KCNMB2: variants seen among roughly 807,000 people sequenced by gnomAD.
The protein encoded by KCNMB2 is potassium calcium-activated channel subfamily M regulatory beta subunit 2.
KCNMB2 carries 9 observed loss-of-function variants against 24.5 expected under a neutral mutation model. The observed-to-expected ratio is 0.37, with a 90% CI of 0.22 to 0.64. The LOEUF is 0.64. Ranked by LOEUF, KCNMB2 falls within the 30% of genes least tolerant of loss-of-function variation. KCNMB2 has a pLI of 0.63. For missense variants in KCNMB2, 226 were observed against 284.3 expected, an observed-to-expected ratio of 0.79 and a Z score of 1.47; for synonymous variants, 109 against 104.4, an observed-to-expected ratio of 1.04 and a Z score of -0.27.
chr3:178,609,701 A>G (rs1173892926), intron 1 of KCNMB2, among the ~76,000 whole-genome samples: 1 of 150,860 alleles, frequency 6.6e-6, no homozygotes, highest in Non-Finnish European at 1.5e-5. Context: ...CAGTGGTGCC[A>G]TCTTGGCTCA....
chr3:178,697,197 A>G (rs116688952), intron 1 of KCNMB2, among the ~76,000 whole-genome samples: 4,915 of 152,176 alleles, frequency 0.032, 210 homozygotes, highest in East Asian at 0.18. Context: ...AATATTTTCA[A>G]TGGGATGTTA....
At chr3:178,715,736 C>G (rs1722599315) in intron 1 of KCNMB2, among the ~76,000 whole-genome samples, 1 of 152,186 alleles carries the variant, frequency 6.6e-6, no homozygotes, top group Non-Finnish European at 1.5e-5. Context: ...TGGCATTTGT[C>G]AAGTACTCTG....
chr3:178,677,809 A>G (rs1721119698), intron 1 of KCNMB2, among the ~76,000 whole-genome samples: 1 of 152,216 alleles, frequency 6.6e-6, no homozygotes, highest in Non-Finnish European at 1.5e-5. Flanking sequence ...AGGAATTTAT[A>G]CTGAACAGGT....
chr3:178,583,660 G>GC (rs1198291220), intron 1 of KCNMB2, among the ~76,000 whole-genome samples: 1 of 152,034 alleles, frequency 6.6e-6, no homozygotes, highest in African/African-American at 2.4e-5. Flanking sequence ...TGTAATCCTG[G>GC]CAAGTTACTT....
chr3:178,643,543 T>C (rs543517254), intron 1 of KCNMB2, among the ~76,000 whole-genome samples: 116 of 152,194 alleles, frequency 7.6e-4, no homozygotes, highest in Non-Finnish European at 1.4e-3. Context: ...CATGAGACTT[T>C]CCTGTGCATT....
chr3:178,594,490 T>C (rs551399642), intron 1 of KCNMB2, among the ~76,000 whole-genome samples: 4 of 152,250 alleles, frequency 2.6e-5, no homozygotes, highest in African/African-American at 9.6e-5. Flanking sequence ...AAATCAAAGA[T>C]GACCCCCATG....
chr3:178,716,412 T>C (rs551381221), intron 1 of KCNMB2, among the ~76,000 whole-genome samples: 1 of 151,382 alleles, frequency 6.6e-6, no homozygotes, highest in Non-Finnish European at 1.5e-5. Flanking sequence ...ACAGAACTGG[T>C]AAGAGGTGGA....
intron 1 of KCNMB2, among the ~76,000 whole-genome samples, chr3:178,689,661 A>G (rs761938659): frequency 6.6e-6 from 1 of 152,196 alleles, no homozygotes; most frequent in African/African-American, 2.4e-5. Context: ...TATGGAAGAA[A>G]GACATCCAGA....
intron 1 of KCNMB2, among the ~76,000 whole-genome samples, chr3:178,768,949 A>G (rs951965845): frequency 1.4e-5 from 2 of 138,940 alleles, no homozygotes; most frequent in Non-Finnish European, 3.2e-5. Flanking sequence ...ATGTACCAAC[A>G]TTGCACGGTG....
intron 1 of KCNMB2, among the ~76,000 whole-genome samples, chr3:178,794,316 G>A (rs564544415): frequency 6.6e-5 from 10 of 152,228 alleles, no homozygotes; most frequent in East Asian, 3.9e-4. Flanking sequence ...CTCAAAGACC[G>A]GCTGTCCCCT....
chr3:178,784,138 G>A (rs1712996902), intron 1 of KCNMB2, among the ~76,000 whole-genome samples: 1 of 152,164 alleles, frequency 6.6e-6, no homozygotes, highest in South Asian at 2.1e-4. Flanking sequence ...CTTGACAGCA[G>A]ATGTTGGACA....
At chr3:178,796,808 C>T (rs1560025379) in intron 1 of KCNMB2, among the ~76,000 whole-genome samples, 2 of 151,894 alleles carry the variant, frequency 1.3e-5, no homozygotes, top group African/African-American at 4.8e-5. Context: ...AGAAAAACTT[C>T]AAATAAACAA....
At chr3:178,755,642 T>C (rs1724005104) in intron 1 of KCNMB2, among the ~76,000 whole-genome samples, 1 of 152,224 alleles carries the variant, frequency 6.6e-6, no homozygotes. Context: ...GGATGGCAAA[T>C]TTTTGACATT....
At chr3:178,634,921 G>A (rs1719461107) in intron 1 of KCNMB2, among the ~76,000 whole-genome samples, 1 of 152,180 alleles carries the variant, frequency 6.6e-6, no homozygotes, top group Non-Finnish European at 1.5e-5. Flanking sequence ...TAAAATGGGA[G>A]AGATAGAGGC....
At chr3:178,827,024 C>G (rs1157599804) in intron 3 of KCNMB2, among the ~76,000 whole-genome samples, 3 of 152,144 alleles carry the variant, frequency 2.0e-5, no homozygotes, top group Non-Finnish European at 4.4e-5. Flanking sequence ...GGGAGGGGAT[C>G]AGGTCTAGTA....
chr3:178,723,938 G>A (rs544615885), intron 1 of KCNMB2, among the ~76,000 whole-genome samples: 4 of 152,116 alleles, frequency 2.6e-5, no homozygotes, highest in Non-Finnish European at 5.9e-5. Context: ...TAGTGCCATG[G>A]TAAACATACA....
intron 1 of KCNMB2, among the ~76,000 whole-genome samples, chr3:178,694,106 A>C (rs561522802): frequency 1.3e-5 from 2 of 152,294 alleles, no homozygotes; most frequent in African/African-American, 4.8e-5. Flanking sequence ...AGGCCTCACG[A>C]AACTTATAAG....
intron 1 of KCNMB2, among the ~76,000 whole-genome samples, chr3:178,770,870 CAG>C (rs1428922952): frequency 6.6e-6 from 1 of 152,158 alleles, no homozygotes. Context: ...GGCTAATTGG[CAG>C]AGTCAGAACT....
intron 2 of KCNMB2, among the ~76,000 whole-genome samples, chr3:178,822,709 CT>C (rs1398770044): frequency 6.6e-6 from 1 of 152,256 alleles, no homozygotes; most frequent in African/African-American, 2.4e-5. Flanking sequence ...AAATCATTCA[CT>C]TTTCCCCTCT....
Sources: allele counts gnomAD v4.1 joint callset (sites outside exome capture counted in the v4.1 genomes callset), GRCh38; gene constraint gnomAD v4.1.1; transcripts MANE v1.5; gene names NCBI Gene and HGNC (gene_info 2026-07-23, HGNC 2026-07-21).